Variants in SYAP1 observed in about 807,000 individuals in gnomAD.
The protein encoded by SYAP1 is synapse-associated protein 1.
In SYAP1, 3 loss-of-function variants were observed where a neutral mutation model predicts 29.6. The observed-to-expected ratio is 0.10, with a 90% CI of 0.05 to 0.26. The LOEUF (loss-of-function observed/expected upper bound fraction) is 0.26. Ranked by LOEUF, SYAP1 falls within the 10% of genes least tolerant of loss-of-function variation. The pLI is 1.00. For synonymous variants in SYAP1, 102 were observed against 102.7 expected (o/e 0.99, Z 0.04); for missense variants, 217 against 264.1 (o/e 0.82, Z 1.24).
intron 3 of SYAP1, among the ~76,000 whole-genome samples, chrX:16,737,899 C>A (rs58192501): frequency 0.077 from 8,530 of 111,366 alleles, 811 homozygotes; most frequent in African/African-American, 0.27. Context: ...GCAGTTTATT[C>A]CTGTTTGAAG....
intron 5 of SYAP1, among the ~76,000 whole-genome samples, chrX:16,744,902 G>A (rs766857150): frequency 1.8e-5 from 2 of 112,105 alleles, no homozygotes; most frequent in South Asian, 7.4e-4. Flanking sequence ...GGAGGTCGAC[G>A]CTGCAGTGAG....
intron 5 of SYAP1, among the ~76,000 whole-genome samples, chrX:16,746,728 C>T (rs1926618062): frequency 9.0e-6 from 1 of 110,523 alleles, no homozygotes; most frequent in Admixed American, 9.7e-5. Context: ...GCTGGGATTA[C>T]AGACGCATGC....
In SYAP1 at chrX:16,763,301, A is replaced by G. The variant is rs1447982305; in HGVS notation, c.*2942A>G. ...TGTTTCAAAAAAGGGAGGGGGGGCA[A>G]GTTTTTAGGGGGATGAGAAATATTC... On this transcript the variant is annotated 3_prime_UTR_variant, in exon 9 of 9. Transcript: ENST00000380155. The G allele has an allele frequency of 1.5e-5, 1 of 66,098 alleles. No homozygotes were observed. The highest frequency in any genetic ancestry group is 2.6e-5 in the Non-Finnish European group (1 of 37,835). 5.4% of individuals were successfully genotyped at this position (66,098 alleles called of 1,213,427 possible).
chrX:16,748,156 C>T (rs1312751665), intron 5 of SYAP1, among the ~76,000 whole-genome samples: 2 of 111,948 alleles, frequency 1.8e-5, no homozygotes, highest in Middle Eastern at 4.6e-3. Context: ...GTCTCTCATT[C>T]GCCTTAAAAT....
chrX:16,722,945 T>G (rs1337564717), intron 1 of SYAP1, among the ~76,000 whole-genome samples: 1 of 112,716 alleles, frequency 8.9e-6, no homozygotes, highest in South Asian at 3.6e-4. Flanking sequence ...AGAAAATCTG[T>G]ACTTCTGAGA....
At chrX:16,721,694 A>T (rs201745390) in intron 1 of SYAP1, among the ~76,000 whole-genome samples, 3 of 101,324 alleles carry the variant, frequency 3.0e-5, no homozygotes, top group Non-Finnish European at 6.0e-5. Context: ...CACCTGGCTA[A>T]TTTTTTTTTT....
intron 3 of SYAP1, 148 bp from the exon 4 acceptor site, chrX:16,741,568 C>T (rs773950491): frequency 1.1e-4 from 43 of 396,727 alleles, no homozygotes; most frequent in African/African-American, 9.8e-4. Context: ...CTGGTTATTA[C>T]GGTTAATGTT....
intron 1 of SYAP1, among the ~76,000 whole-genome samples, chrX:16,724,365 C>G (rs1432335050): frequency 9.0e-5 from 10 of 111,718 alleles, no homozygotes. Context: ...CCAGACCCCA[C>G]AAGGAAAGCG....
chrX:16,742,143 G>GTTTTTT lies in SYAP1; in HGVS notation c.435+375_435+380dup, dbSNP rs144175479. ...ACCATGCCCAGCTAATTTTTGTGTGGTTTTTTTTTTTTTTTTTTTTTTTTT... is the reference window on the plus strand; with the variant it reads ...ACCATGCCCAGCTAATTTTTGTGTGGTTTTTTTTTTTTTTTTTTTTTTTTTTTTTTT... On this transcript the variant is annotated intron_variant, in intron 4 of 8. Transcript: ENST00000380155. Among the ~76,000 whole-genome samples the GTTTTTT allele has an allele frequency of 2.1e-4, 9 of 41,863 alleles. 1 individual carries two copies. Among genetic ancestry groups the GTTTTTT allele is most frequent in the African/African-American group, 9.3e-4 (7 of 7,531 alleles). The allele number at this position is 41,863 out of a possible 115,157, so 36.4% of individuals were successfully genotyped here.
chrX:16,722,344 G>A (rs753872349), intron 1 of SYAP1, among the ~76,000 whole-genome samples: 17 of 110,634 alleles, frequency 1.5e-4, no homozygotes, highest in Non-Finnish European at 2.8e-4. Flanking sequence ...CCTGACCAAC[G>A]TGGTGAAACC....
intron 1 of SYAP1, among the ~76,000 whole-genome samples, chrX:16,721,095 T>A (rs1273291941): frequency 2.2e-5 from 2 of 92,775 alleles, no homozygotes; most frequent in African/African-American, 8.7e-5. Context: ...GTGAGAGAAC[T>A]GCAACAAAGG....
intron 5 of SYAP1, among the ~76,000 whole-genome samples, chrX:16,749,713 C>T (rs1187577032): frequency 9.1e-6 from 1 of 109,768 alleles, no homozygotes; most frequent in Admixed American, 9.9e-5. Context: ...GTCAGGAGTT[C>T]GAGACCATCC....
At chrX:16,734,985 C>T (rs1247224928) in intron 1 of SYAP1, among the ~76,000 whole-genome samples, 7 of 78,357 alleles carry the variant, frequency 8.9e-5, no homozygotes, top group Admixed American at 5.5e-4. Context: ...GGTGACAGGG[C>T]GAGACTGTCT....
At chrX:16,752,075 G>A (rs979789460) in intron 5 of SYAP1, among the ~76,000 whole-genome samples, 11 of 104,929 alleles carry the variant, frequency 1.0e-4, no homozygotes, top group Non-Finnish European at 2.1e-4. Flanking sequence ...CACATGCTGG[G>A]TTCAAGCGAT....
intron 1 of SYAP1, among the ~76,000 whole-genome samples, chrX:16,727,856 C>G (rs1490379159): frequency 1.8e-5 from 2 of 111,898 alleles, no homozygotes; most frequent in Non-Finnish European, 3.8e-5. Flanking sequence ...TCTTGGCTCC[C>G]TAAGTCAAGT....
At position 16,738,416 on chromosome X, in the gene SYAP1, A is replaced by G. The variant is rs748886203; in HGVS notation, c.361+2184A>G. Among the ~76,000 whole-genome samples the G allele has an allele frequency of 5.4e-5, 6 of 111,914 alleles. No individual in the cohort carries two copies. The South Asian group carries it at 2.3e-3, about 42-fold the overall frequency. On this transcript the variant is annotated intron_variant, in intron 3 of 8. Coordinates refer to ENST00000380155, the MANE Select transcript of SYAP1 (RefSeq NM_032796.4). ...GGTGACAGAGCGAGACTCTGTCTCAATAAATAAATAATAAAGATGCAGTCA... is the reference window on the plus strand; with the variant it reads ...GGTGACAGAGCGAGACTCTGTCTCAGTAAATAAATAATAAAGATGCAGTCA...
chrX:16,752,170 G>A (rs1926749206), intron 5 of SYAP1, among the ~76,000 whole-genome samples: 1 of 106,526 alleles, frequency 9.4e-6, no homozygotes, highest in African/African-American at 3.4e-5. Flanking sequence ...GCAGAGATGC[G>A]ATTTCACCAT....
chrX:16,746,429 G>A (rs1926610059), intron 5 of SYAP1, among the ~76,000 whole-genome samples: 1 of 109,495 alleles, frequency 9.1e-6, no homozygotes, highest in African/African-American at 3.3e-5. Flanking sequence ...TAGAGATGGG[G>A]TTTCACCAGG....
chrX:16,735,222 T>C lies in SYAP1; in HGVS notation c.176-5T>C, dbSNP rs774175536. ...ATAACCACAGATTCTTTTTATTCTT[T>C]ACAGACTATTTATTTAACTTTGCAT... On this transcript the variant is annotated splice_polypyrimidine_tract_variant and splice_region_variant and intron_variant, in intron 1 of 8. Coordinates refer to ENST00000380155, the MANE Select transcript of SYAP1 (RefSeq NM_032796.4). 1 of 1,129,323 alleles carries C rather than the reference T, an allele frequency of 8.9e-7. No individual in the cohort carries two copies. The highest frequency in any genetic ancestry group is 3.0e-5 in the East Asian group (1 of 33,260). 93.1% of individuals were successfully genotyped at this position (1,129,323 alleles called of 1,213,427 possible).
Sources: gnomAD v4.1 joint callset for allele counts (sites outside exome capture counted in the v4.1 genomes callset) on GRCh38, gnomAD v4.1.1 for gene constraint, MANE v1.5 for transcripts, NCBI Gene and HGNC (gene_info 2026-07-23, HGNC 2026-07-21) for gene names.